NTM: variants seen among roughly 807,000 people sequenced by gnomAD.
NTM encodes IgLON family member 2.
In NTM, 13 loss-of-function variants were observed where a neutral mutation model predicts 42.1. The observed-to-expected ratio is 0.31, with a 90% CI of 0.20 to 0.49. The LOEUF (loss-of-function observed/expected upper bound fraction) is 0.49, where lower values mean the gene tolerates loss of function less well. NTM is among the 20% of genes least tolerant of loss of function. The pLI is 0.99. For synonymous variants in NTM, 187 were observed against 179.2 expected (o/e 1.04, Z -0.35); for missense variants, 373 against 452.8 (o/e 0.82, Z 1.60).
intron 1 of NTM, among the ~76,000 whole-genome samples, chr11:131,441,467 T>C (rs1160368473): frequency 6.6e-6 from 1 of 152,176 alleles, no homozygotes; most frequent in Non-Finnish European, 1.5e-5. Flanking sequence ...ACTCTCCATA[T>C]GCTGCACAGC....
intron 4 of NTM, among the ~76,000 whole-genome samples, chr11:132,281,869 T>C (rs1281148158): frequency 1.3e-5 from 2 of 152,176 alleles, no homozygotes; most frequent in Non-Finnish European, 2.9e-5. Flanking sequence ...TTGGAATGCT[T>C]TCAATCTCAA....
chr11:131,859,571 A>G lies in NTM; in HGVS notation c.83-51993A>G, dbSNP rs145119238. ...CTTCACTTGTGTTCTTGAGACACAT[A>G]CTCGAGTGGGATCTTGGTTCCATTA... On this transcript the variant is annotated intron_variant, in intron 1 of 8. Coordinates refer to ENST00000683400, the MANE Select transcript of NTM (RefSeq NM_001352005.2). 5.9e-5 allele frequency among the ~76,000 whole-genome samples: 9 copies of G among 152,222 alleles called. No homozygotes were observed. In the East Asian group the frequency reaches 1.7e-3, roughly 29 times the overall value.
At chr11:131,886,315 G>A (rs1375911826) in intron 1 of NTM, among the ~76,000 whole-genome samples, 1 of 152,212 alleles carries the variant, frequency 6.6e-6, no homozygotes, top group Non-Finnish European at 1.5e-5. Flanking sequence ...GAAGGGCCTT[G>A]GACCTCCTGG....
chr11:132,028,994 C>T (rs1217162624), intron 2 of NTM, among the ~76,000 whole-genome samples: 1 of 152,084 alleles, frequency 6.6e-6, no homozygotes, highest in Non-Finnish European at 1.5e-5. Context: ...AGCAACTCAT[C>T]AGTTCCATTT....
At chr11:132,275,019 A>G (rs2093651099) in intron 4 of NTM, among the ~76,000 whole-genome samples, 1 of 152,038 alleles carries the variant, frequency 6.6e-6, no homozygotes, top group African/African-American at 2.4e-5. Context: ...GATTGCAAAC[A>G]TTTCATTTCA....
chr11:131,891,300 G>A (rs2051293757), intron 1 of NTM, among the ~76,000 whole-genome samples: 1 of 152,116 alleles, frequency 6.6e-6, no homozygotes, highest in Non-Finnish European at 1.5e-5. Flanking sequence ...TCCATGGAAG[G>A]GTTGCGGGGG....
intron 1 of NTM, among the ~76,000 whole-genome samples, chr11:131,541,752 C>T (rs73574296): frequency 0.049 from 7,402 of 152,264 alleles, 595 homozygotes; most frequent in African/African-American, 0.17. Context: ...GAGTTAAATA[C>T]CTACCTGCAG....
chr11:132,170,827 G>A (rs1480950584), intron 3 of NTM, among the ~76,000 whole-genome samples: 3 of 152,116 alleles, frequency 2.0e-5, no homozygotes, highest in Non-Finnish European at 4.4e-5. Flanking sequence ...TCTGTGTCAG[G>A]CACCGTGGCA....
intron 4 of NTM, among the ~76,000 whole-genome samples, chr11:132,254,489 C>T (rs1408430502): frequency 6.6e-6 from 1 of 152,068 alleles, no homozygotes; most frequent in Non-Finnish European, 1.5e-5. Context: ...CTCAGCTGCT[C>T]AGTCCTCCTA....
chr11:131,718,482 A>G (rs1284542028), intron 1 of NTM, among the ~76,000 whole-genome samples: 3 of 151,948 alleles, frequency 2.0e-5, no homozygotes, highest in Non-Finnish European at 4.4e-5. Flanking sequence ...ACCCAATTCA[A>G]TGCCTCATGA....
At chr11:131,933,162 G>A (rs1247021621) in intron 2 of NTM, among the ~76,000 whole-genome samples, 19 of 152,230 alleles carry the variant, frequency 1.2e-4, no homozygotes, top group Non-Finnish European at 4.4e-5. Flanking sequence ...AAAGCTGGCA[G>A]TGACGCTGTT....
At chr11:132,137,967 C>T (rs1233508439) in intron 2 of NTM, among the ~76,000 whole-genome samples, 1 of 152,190 alleles carries the variant, frequency 6.6e-6, no homozygotes, top group Non-Finnish European at 1.5e-5. Context: ...GCCTTCTATT[C>T]CATAAGCTCC....
intron 1 of NTM, among the ~76,000 whole-genome samples, chr11:131,498,631 C>T (rs79541051): frequency 0.012 from 1,806 of 152,216 alleles, 36 homozygotes; most frequent in African/African-American, 0.039. Flanking sequence ...ATGCTAATTC[C>T]CCCAGCCTGC....
chr11:131,378,961 A>G (rs777391372), intron 1 of NTM, among the ~76,000 whole-genome samples: 1 of 152,206 alleles, frequency 6.6e-6, no homozygotes, highest in Non-Finnish European at 1.5e-5. Context: ...TCACATGGCC[A>G]GGACAGCTCC....
chr11:131,789,666 G>GAAGA (rs2090551222), intron 1 of NTM, among the ~76,000 whole-genome samples: 2 of 119,790 alleles, frequency 1.7e-5, no homozygotes, highest in African/African-American at 6.2e-5. Flanking sequence ...AGAAGAAGAA[G>GAAGA]AAAGCATGGG....
intron 3 of NTM, among the ~76,000 whole-genome samples, chr11:132,179,857 C>T (rs1312707638): frequency 1.3e-5 from 2 of 152,138 alleles, no homozygotes; most frequent in Non-Finnish European, 2.9e-5. Context: ...GGTAGCATAG[C>T]ATAGCAGTTT....
chr11:132,040,145 C>T (rs1010080730), intron 2 of NTM, among the ~76,000 whole-genome samples: 24 of 151,906 alleles, frequency 1.6e-4, no homozygotes, highest in Admixed American at 1.3e-3. Flanking sequence ...CATGTTGCCC[C>T]GGCTGGTCTC....
intron 1 of NTM, among the ~76,000 whole-genome samples, chr11:131,513,885 C>T (rs369793): frequency 0.15 from 22,759 of 151,950 alleles, 1,883 homozygotes; most frequent in Middle Eastern, 0.22. Context: ...AGTGGCTTTC[C>T]AGGGTCAGAG....
intron 2 of NTM, among the ~76,000 whole-genome samples, chr11:132,074,285 T>C (rs2058077020): frequency 6.6e-6 from 1 of 152,182 alleles, no homozygotes; most frequent in Non-Finnish European, 1.5e-5. Flanking sequence ...GCTGAGTCAG[T>C]TTCTCAGGGT....
Sources: gnomAD v4.1 joint callset for allele counts (sites outside exome capture counted in the v4.1 genomes callset) on GRCh38, gnomAD v4.1.1 for gene constraint, MANE v1.5 for transcripts, NCBI Gene and HGNC (gene_info 2026-07-23, HGNC 2026-07-21) for gene names.